The following RPGRIP1L variants were observed in gnomAD, a reference collection of about 807,000 sequenced individuals.
RPGRIP1L encodes the protein RPGRIP1 like.
RPGRIP1L carries 131 observed loss-of-function variants against 160.4 expected under a neutral mutation model. The ratio of observed to expected loss-of-function variants is 0.82; its 90% CI spans 0.71 to 0.94. The LOEUF (loss-of-function observed/expected upper bound fraction) is 0.94, where lower values mean the gene tolerates loss of function less well. RPGRIP1L is among the 40% of genes least tolerant of loss of function. RPGRIP1L has a pLI of 0.00. For missense variants in RPGRIP1L, 1,522 were observed against 1,535.8 expected, an observed-to-expected ratio of 0.99 and a Z score of 0.15; for synonymous variants, 510 against 515.8, an observed-to-expected ratio of 0.99 and a Z score of 0.15.
intron 12 of RPGRIP1L, 94 bp downstream of exon 12, chr16:53,658,320 A>T: frequency 2.2e-6 from 2 of 920,700 alleles, no homozygotes; most frequent in Non-Finnish European, 3.6e-6. Flanking sequence ...AGAATAATTC[A>T]TTCTCCAAAT....
At chr16:53,679,207 C>A (rs1166054928) in intron 6 of RPGRIP1L, among the ~76,000 whole-genome samples, 1 of 152,062 alleles carries the variant, frequency 6.6e-6, no homozygotes, top group Non-Finnish European at 1.5e-5. Context: ...TCTTACCACC[C>A]ACAGGAATGG....
chr16:53,652,107 CTCT>C (rs2151121238), intron 15 of RPGRIP1L, among the ~76,000 whole-genome samples: 1 of 152,028 alleles, frequency 6.6e-6, no homozygotes, highest in South Asian at 2.1e-4. Flanking sequence ...AGAGCGAAAG[CTCT>C]TGTTATCCAG....
At chr16:53,629,511 C>T (rs868315746) in intron 22 of RPGRIP1L, among the ~76,000 whole-genome samples, 2 of 152,210 alleles carry the variant, frequency 1.3e-5, no homozygotes, top group Non-Finnish European at 2.9e-5. Flanking sequence ...AAAGATTCAT[C>T]TTCCATCCAT....
At position 53,649,088 on chromosome 16, in the gene RPGRIP1L, C is replaced by G; in HGVS notation, c.2180G>C (p.Gly727Ala). ...TAATCGGAACCAGTATTCCACTGTG[C>G]CAAAATTTGGGATGTCTCCTTTTGT... ...IGTKGDIPNFGTVEYWFRLRV... is the reference protein window; with the variant it reads ...IGTKGDIPNFATVEYWFRLRV... The change falls in exon 16 of 27, where the codon GGC becomes GCC. Residue 727 changes from glycine (G) to alanine (A), a missense_variant. Gly to Ala is a moderately conservative substitution (Grantham distance 60). Coordinates refer to ENST00000647211, the MANE Select transcript of RPGRIP1L (RefSeq NM_015272.5). The G allele has an allele frequency of 6.2e-7, 1 of 1,614,006 alleles. No individual in the cohort carries two copies. Among genetic ancestry groups the G allele is most frequent in the Non-Finnish European group, 8.5e-7 (1 of 1,179,960 alleles).
intron 1 of RPGRIP1L, 55 bp from the exon 2 acceptor site, chr16:53,700,785 G>C: frequency 7.4e-7 from 1 of 1,350,050 alleles, no homozygotes; most frequent in Non-Finnish European, 1.1e-6. Context: ...CATTAACTAT[G>C]CAATGGAATG....
chr16:53,645,480 T>G lies in RPGRIP1L; in HGVS notation c.2683+145A>C, dbSNP rs922155007. The G allele has an allele frequency of 5.0e-5, 31 of 623,194 alleles. No individual in the cohort carries two copies. The African/African-American group carries it at 5.2e-4, about 10-fold the overall frequency. 38.6% of individuals were successfully genotyped at this position (623,194 alleles called of 1,614,324 possible). On this transcript the variant is annotated intron_variant, in intron 17 of 26. Transcript: ENST00000647211. The stretch of plus-strand genomic sequence containing the variant: ...CATAGAGCGACTAGTAAGAAAATAA[T>G]TTTTAAAATATAGTAATATAGGCCT...
chr16:53,616,229 A>T (rs1028484200), intron 24 of RPGRIP1L, among the ~76,000 whole-genome samples: 1 of 152,226 alleles, frequency 6.6e-6, no homozygotes, highest in African/African-American at 2.4e-5. Context: ...TGGAAGATGT[A>T]AGTCTACATT....
intron 24 of RPGRIP1L, among the ~76,000 whole-genome samples, chr16:53,617,073 CAAAAAAA>C (rs397945611): frequency 0.13 from 2,914 of 21,786 alleles, 81 homozygotes; most frequent in East Asian, 0.41. Context: ...CCTTGCATCA[CAAAAAAA>C]AAAAAAAAAA....
intron 22 of RPGRIP1L, chr16:53,628,556 G>A (rs919947899): frequency 6.6e-6 from 1 of 152,010 alleles, no homozygotes; most frequent in African/African-American, 2.4e-5. Flanking sequence ...CATTTTGATT[G>A]TTTAATAACT....
chr16:53,626,806 C>CAA (rs397956424), intron 22 of RPGRIP1L, among the ~76,000 whole-genome samples: 270 of 93,584 alleles, frequency 2.9e-3, no homozygotes, highest in Middle Eastern at 6.2e-3. Flanking sequence ...CCCTGTCTCT[C>CAA]AAAAAAAAAA....
chr16:53,640,652 A>T (rs1461065794), intron 19 of RPGRIP1L, among the ~76,000 whole-genome samples: 1 of 152,154 alleles, frequency 6.6e-6, no homozygotes, highest in Non-Finnish European at 1.5e-5. Context: ...TGACTACTGT[A>T]TATGGCAGAG....
intron 4 of RPGRIP1L, 141 bp from the exon 5 acceptor site, chr16:53,688,106 A>C: frequency 1.6e-6 from 1 of 615,138 alleles, no homozygotes. Flanking sequence ...AATTATAAAT[A>C]CACTGCCAAA....
intron 22 of RPGRIP1L, among the ~76,000 whole-genome samples, chr16:53,635,149 AAC>A (rs772212574): frequency 2.6e-5 from 4 of 152,170 alleles, no homozygotes; most frequent in Non-Finnish European, 5.9e-5. Flanking sequence ...TATTTAGAGA[AAC>A]AGTTATTTAT....
chr16:53,643,063 G>A (rs559132315), intron 17 of RPGRIP1L, among the ~76,000 whole-genome samples: 1 of 152,306 alleles, frequency 6.6e-6, no homozygotes, highest in East Asian at 1.9e-4. Context: ...TTTGGGAGCT[G>A]AGGCAGGTGG....
chr16:53,643,112 C>T (rs1167467668), intron 17 of RPGRIP1L, among the ~76,000 whole-genome samples: 1 of 152,102 alleles, frequency 6.6e-6, no homozygotes, highest in Admixed American at 6.6e-5. Context: ...GCCTGGCCAA[C>T]TGGCCAACAT....
chr16:53,658,927 T>A, intron 10 of RPGRIP1L, 49 bp from the exon 11 acceptor site: 1 of 1,171,090 alleles, frequency 8.5e-7, no homozygotes, highest in Non-Finnish European at 1.3e-6. Context: ...AAATCAGGTT[T>A]AAGGACACAT....
intron 22 of RPGRIP1L, among the ~76,000 whole-genome samples, chr16:53,635,189 G>C (rs1290282990): frequency 6.6e-6 from 1 of 152,100 alleles, no homozygotes; most frequent in African/African-American, 2.4e-5. Flanking sequence ...TTAAATTAAA[G>C]TTTATTCTAC....
intron 23 of RPGRIP1L, 121 bp from the exon 24 acceptor site, chr16:53,619,329 G>T: frequency 1.2e-6 from 1 of 808,842 alleles, no homozygotes; most frequent in Non-Finnish European, 2.1e-6. Flanking sequence ...TTCTTTTCTT[G>T]AATGCAATGT....
chr16:53,620,828 A>T (rs971811025), intron 23 of RPGRIP1L, among the ~76,000 whole-genome samples: 4 of 151,908 alleles, frequency 2.6e-5, no homozygotes, highest in Non-Finnish European at 5.9e-5. Context: ...TTTAAATGAT[A>T]TTTTTTTTCC....
Sources: allele counts gnomAD v4.1 joint callset (sites outside exome capture counted in the v4.1 genomes callset), GRCh38; gene constraint gnomAD v4.1.1; transcripts MANE v1.5; gene names NCBI Gene and HGNC (gene_info 2026-07-23, HGNC 2026-07-21).